The following LMBR1 variants were observed in gnomAD, a reference collection of about 807,000 sequenced individuals.
LMBR1 encodes limb development membrane protein 1, also known as limb region 1 protein homolog.
A neutral mutation model predicts 73.9 loss-of-function variants in LMBR1; 52 were observed. The ratio of observed to expected loss-of-function variants is 0.70; its 90% CI spans 0.56 to 0.89. The LOEUF is 0.89. LMBR1 is among the 40% of genes least tolerant of loss of function. The pLI is 0.00. For missense variants in LMBR1, 539 were observed against 579.8 expected (o/e 0.93, Z 0.72); for synonymous variants, 215 against 209.4 (o/e 1.03, Z -0.23).
intron 3 of LMBR1, among the ~76,000 whole-genome samples, chr7:156,833,183 TA>T (rs1475397811): frequency 6.6e-6 from 1 of 152,136 alleles, no homozygotes; most frequent in African/African-American, 2.4e-5. Context: ...AATGTATCAA[TA>T]AAAAAATCCT....
At chr7:156,824,127 A>AATAT (rs898985878) in intron 4 of LMBR1, among the ~76,000 whole-genome samples, 6 of 147,790 alleles carry the variant, frequency 4.1e-5, no homozygotes, top group Non-Finnish European at 9.0e-5. Flanking sequence ...CAACAACAAC[A>AATAT]ATATATATAT....
At position 156,762,344 on chromosome 7, in the gene LMBR1, T is replaced by C. The variant is rs115697623; in HGVS notation, c.620-146A>G. On this transcript the variant is annotated intron_variant, in intron 7 of 16. Coordinates refer to ENST00000353442, the MANE Select transcript of LMBR1 (RefSeq NM_022458.4). ...TCTCCAACTGAGATTGTCAGTGTTTTGTCAGAGAACTCTTCACCATCATCA... is the reference window on the plus strand; with the variant it reads ...TCTCCAACTGAGATTGTCAGTGTTTCGTCAGAGAACTCTTCACCATCATCA... 2.3e-4 allele frequency: 142 copies of C among 605,654 alleles called. 1 individual carries two copies. In the African/African-American group the frequency reaches 2.4e-3, roughly 10 times the overall value. 37.5% of individuals were successfully genotyped at this position (605,654 alleles called of 1,614,324 possible).
At chr7:156,772,846 A>AGAGAG (rs1259015148) in intron 5 of LMBR1, among the ~76,000 whole-genome samples, 1 of 147,100 alleles carries the variant, frequency 6.8e-6, no homozygotes, top group Non-Finnish European at 1.5e-5. Context: ...CGAAAAGAGA[A>AGAGAG]GAGAGGAGAG....
At chr7:156,804,298 C>A (rs1284745784) in intron 4 of LMBR1, among the ~76,000 whole-genome samples, 1 of 152,168 alleles carries the variant, frequency 6.6e-6, no homozygotes, top group Non-Finnish European at 1.5e-5. Flanking sequence ...CATTCACCTG[C>A]AAACAATCTA....
intron 1 of LMBR1, among the ~76,000 whole-genome samples, chr7:156,849,828 G>T (rs958235643): frequency 2.0e-5 from 3 of 152,034 alleles, no homozygotes; most frequent in Non-Finnish European, 2.9e-5. Context: ...TGTAAACTAT[G>T]GAATCTAAGT....
chr7:156,688,074 C>T lies in LMBR1; in HGVS notation c.1343G>A (p.Arg448Gln), dbSNP rs1460825955. The T allele has an allele frequency of 8.7e-6, 14 of 1,611,138 alleles. No individual in the cohort carries two copies. Among genetic ancestry groups the T allele is most frequent in the East Asian group, 2.2e-5 (1 of 44,644 alleles). ...TTCTCGAACTGCAGAGGTGAATTTT[C>T]GGACCAGACACAATGTTGTCACAAT... The part of the protein sequence containing the change: ...FAIVTTLCLV[R>Q]KFTSAVREEL... Residue 448 changes from arginine to glutamine, a missense_variant, in exon 16 of 17, where the codon CGA becomes CAA. Physicochemically the swap from Arg to Gln is conservative, Grantham distance 43 (BLOSUM62 1). Transcript: ENST00000353442.
At chr7:156,853,716 C>T (rs1489331222) in intron 1 of LMBR1, among the ~76,000 whole-genome samples, 1 of 152,048 alleles carries the variant, frequency 6.6e-6, no homozygotes, top group Non-Finnish European at 1.5e-5. Context: ...AGTGCAGTGG[C>T]GTGATCTCAG....
At chr7:156,697,884 C>T (rs979542044) in intron 15 of LMBR1, among the ~76,000 whole-genome samples, 2 of 152,194 alleles carry the variant, frequency 1.3e-5, no homozygotes, top group Non-Finnish European at 2.9e-5. Context: ...TAAAGACAGG[C>T]ATAAAAAATT....
At chr7:156,811,461 T>A (rs1239766884) in intron 4 of LMBR1, among the ~76,000 whole-genome samples, 1 of 151,764 alleles carries the variant, frequency 6.6e-6, no homozygotes. Flanking sequence ...AATACAAAAA[T>A]TAGCTGGGCA....
intron 1 of LMBR1, among the ~76,000 whole-genome samples, chr7:156,840,644 C>T (rs1838499294): frequency 6.6e-6 from 1 of 151,868 alleles, no homozygotes; most frequent in African/African-American, 2.4e-5. Context: ...GTGCAAAAGG[C>T]TCACTATAAG....
chr7:156,750,941 C>T (rs1401274467), intron 9 of LMBR1, among the ~76,000 whole-genome samples: 1 of 152,058 alleles, frequency 6.6e-6, no homozygotes, highest in African/African-American at 2.4e-5. Context: ...AAAACCTTGT[C>T]TCTACAAAAA....
chr7:156,804,395 T>G (rs1244818607), intron 4 of LMBR1, among the ~76,000 whole-genome samples: 1 of 152,216 alleles, frequency 6.6e-6, no homozygotes, highest in African/African-American at 2.4e-5. Flanking sequence ...ATCATTTCTT[T>G]TGGGAAATAC....
At chr7:156,827,282 A>G (rs1835865241) in intron 3 of LMBR1, among the ~76,000 whole-genome samples, 1 of 152,178 alleles carries the variant, frequency 6.6e-6, no homozygotes, top group Non-Finnish European at 1.5e-5. Context: ...ACAGAAAACT[A>G]TTAAACAGTA....
chr7:156,855,222 A>T (rs1796777211), intron 1 of LMBR1, among the ~76,000 whole-genome samples: 1 of 152,196 alleles, frequency 6.6e-6, no homozygotes, highest in African/African-American at 2.4e-5. Flanking sequence ...GTTAAGAATA[A>T]TTTTTTTAAA....
At chr7:156,673,372 A>G (rs1249481145), downstream of LMBR1, among the ~76,000 whole-genome samples, 3 of 152,240 alleles carry the variant, frequency 2.0e-5, no homozygotes, top group Admixed American at 1.3e-4. Flanking sequence ...TTTACAATGT[A>G]TAGAGAACTC....
chr7:156,729,600 A>T (rs1041520518), intron 10 of LMBR1, among the ~76,000 whole-genome samples: 1 of 151,882 alleles, frequency 6.6e-6, no homozygotes, highest in African/African-American at 2.4e-5. Flanking sequence ...CAGCCTCCCA[A>T]GTAGCTGGGA....
chr7:156,830,702 T>G (rs1408539274), intron 3 of LMBR1, among the ~76,000 whole-genome samples: 1 of 152,240 alleles, frequency 6.6e-6, no homozygotes, highest in African/African-American at 2.4e-5. Context: ...TGAATTAGGC[T>G]TCCTAATACG....
intron 1 of LMBR1, among the ~76,000 whole-genome samples, chr7:156,891,210 AAATATAT>A (rs1196960491): frequency 6.9e-4 from 54 of 77,940 alleles, no homozygotes; most frequent in African/African-American, 2.4e-3. Context: ...AAAAAAAAAA[AAATATAT>A]ATATATATAT....
rs76290351 is a variant in LMBR1, at chr7:156,860,088, A to C, written c.67-23203T>G. Reference sequence around the variant, plus strand: ...CTGGACATCCACGTACAACAAAATGAATCAAGACATAGACCCTATGGCGTT... The same window carrying C: ...CTGGACATCCACGTACAACAAAATGCATCAAGACATAGACCCTATGGCGTT... On this transcript the variant is annotated intron_variant, in intron 1 of 16. Transcript: ENST00000353442. Among the ~76,000 whole-genome samples, 97 of 152,378 alleles carry C rather than the reference A, an allele frequency of 6.4e-4. No homozygotes were observed. In the East Asian group the frequency reaches 0.015, roughly 24 times the overall value.
Sources: gnomAD v4.1 joint callset for allele counts (sites outside exome capture counted in the v4.1 genomes callset) on GRCh38, gnomAD v4.1.1 for gene constraint, MANE v1.5 for transcripts, NCBI Gene and HGNC (gene_info 2026-07-23, HGNC 2026-07-21) for gene names.